The following MATN3 variants were observed in gnomAD, a reference collection of about 807,000 sequenced individuals.
MATN3 encodes the protein matrilin-3.
Under a neutral mutation model 45.3 loss-of-function variants are expected in MATN3, and 48 were observed. That is an observed-to-expected ratio of 1.06 (90% CI 0.84 to 1.35). The LOEUF (loss-of-function observed/expected upper bound fraction) is 1.35. Among genes scored for constraint, MATN3 ranks in the 40% most tolerant of loss-of-function variants. The pLI is 0.00. For missense variants in MATN3, 599 were observed against 628.0 expected (o/e 0.95, Z 0.49); for synonymous variants, 217 against 245.9 (o/e 0.88, Z 1.10).
Position 20,012,337 on chromosome 2 carries a change from A to C in MATN3, c.223+72T>G. 536 of 1,007,658 alleles carry C rather than the reference A, an allele frequency of 5.3e-4. No individual in the cohort carries two copies. Among genetic ancestry groups the C allele is most frequent in the South Asian group, 7.3e-4 (14 of 19,242 alleles). 62.4% of individuals were successfully genotyped at this position (1,007,658 alleles called of 1,614,324 possible). A position where few individuals can be genotyped will look rare whatever the true frequency, so the allele number is the denominator to read the frequency against. On this transcript the variant is annotated intron_variant, in intron 1 of 7. Coordinates refer to ENST00000407540, the MANE Select transcript of MATN3 (RefSeq NM_002381.5). This position sits in a 1 kb window ranked among gnomAD's most constrained non-coding sequence, Gnocchi z 4.3. ...CACGGTCGGCCTGAGGCCGGGATGA[A>C]GCGCGCTTGGTGGATGCCCTGGGCT...
chr2:19,995,779 C>T lies in MATN3; in HGVS notation c.1294+1355G>A, dbSNP rs1672854370. Among the ~76,000 whole-genome samples the T allele has an allele frequency of 6.6e-6, 1 of 152,152 alleles. No individual in the cohort carries two copies. The highest frequency in any genetic ancestry group is 1.5e-5 in the Non-Finnish European group (1 of 68,020). On this transcript the variant is annotated intron_variant, in intron 6 of 7. Transcript: ENST00000407540. The surrounding 1 kb of genome is among the most constrained non-coding windows in gnomAD (Gnocchi z 4.2). ...ATGGAGTAATTCTATTGCCTGAGGA[C>T]AGGAAATGGTCCTTTGCTGCAACAT... is the stretch of plus-strand genomic sequence containing the variant.
chr2:20,005,679 C>T, intron 2 of MATN3, 65 bp downstream of exon 2: 1 of 1,275,356 alleles, frequency 7.8e-7, no homozygotes, highest in Non-Finnish European at 1.1e-6. Context: ...ATACTCTTTT[C>T]TCTGGGTACA....
chr2:19,992,740 CA>C lies in MATN3; in HGVS notation c.*370del. On this transcript the variant is annotated 3_prime_UTR_variant, in exon 8 of 8. Transcript: ENST00000407540. ...GATTGATTTATATTATAAATACTAT[CA>C]AAAGAAACTAGACCTAAAGTTTCCA... is the stretch of plus-strand genomic sequence containing the variant. 1 of 202,406 alleles carries C rather than the reference CA, an allele frequency of 4.9e-6. No homozygotes were observed. Among genetic ancestry groups the C allele is most frequent in the South Asian group, 9.6e-5 (1 of 10,420 alleles). The allele number at this position is 202,406 out of a possible 1,614,324, so 12.5% of individuals were successfully genotyped here.
At chr2:19,993,354 A>G (rs1375009479) in intron 7 of MATN3, among the ~76,000 whole-genome samples, 188 bp from the exon 8 acceptor site, 1 of 152,218 alleles carries the variant, frequency 6.6e-6, no homozygotes, top group East Asian at 1.9e-4. Context: ...AGAGCACAAT[A>G]AAAGTAGACC....
rs554580764 is a variant in MATN3, at chr2:19,995,408, G to C, written c.1295-999C>G. Among the ~76,000 whole-genome samples, 1 of 147,176 alleles carries C rather than the reference G, an allele frequency of 6.8e-6. No individual in the cohort carries two copies. Among genetic ancestry groups the C allele is most frequent in the African/African-American group, 2.5e-5 (1 of 39,882 alleles). On this transcript the variant is annotated intron_variant, in intron 6 of 7. Transcript: ENST00000407540. This position sits in a 1 kb window ranked among gnomAD's most constrained non-coding sequence, Gnocchi z 4.2. ...GCAGAGGTTGCAGTGAGCTGAGATC[G>C]CACCACTGCACTCCAGCCTGGGTGA...
In MATN3 at chr2:20,012,406, T is replaced by C; in HGVS notation, c.223+3A>G. 1 of 1,228,268 alleles carries C rather than the reference T, an allele frequency of 8.1e-7. No homozygotes were observed. The highest frequency in any genetic ancestry group is 1.0e-6 in the Non-Finnish European group (1 of 985,770). The allele number at this position is 1,228,268 out of a possible 1,614,324, so 76.1% of individuals were successfully genotyped here. A position where few individuals can be genotyped will look rare whatever the true frequency, so the allele number is the denominator to read the frequency against. ...ACGCGTCCCTCCCGCCGCCCGCCTG[T>C]ACCTGCACCGCGGGCGCGGCCAGGC... On this transcript the variant is annotated splice_donor_region_variant and intron_variant, in intron 1 of 7. Transcript: ENST00000407540. The surrounding 1 kb of genome is among the most constrained non-coding windows in gnomAD (Gnocchi z 4.3).
intron 1 of MATN3, among the ~76,000 whole-genome samples, chr2:20,009,989 T>C (rs1172055472): frequency 2.7e-5 from 4 of 146,024 alleles, no homozygotes; most frequent in Non-Finnish European, 5.9e-5. Context: ...CTTGAGCACA[T>C]GTACTCAGGA....
rs115095286 is a variant in MATN3 at position 19,994,186 on chromosome 2, A to G, written c.1405+113T>C. Reference sequence around the variant, plus strand: ...AAAGTTGTATATTACCACTGCTCATATTAAAACCTAACAAATAAGTCACTT... The same window carrying G: ...AAAGTTGTATATTACCACTGCTCATGTTAAAACCTAACAAATAAGTCACTT... On this transcript the variant is annotated intron_variant, in intron 7 of 7. Coordinates refer to ENST00000407540, the MANE Select transcript of MATN3 (RefSeq NM_002381.5). The G allele has an allele frequency of 3.5e-3, 2,396 of 675,052 alleles. 31 individuals carry two copies. Among genetic ancestry groups the G allele is most frequent in the East Asian group, 0.035 (1,241 of 35,836 alleles). The allele number at this position is 675,052 out of a possible 1,614,324, so 41.8% of individuals were successfully genotyped here.
intron 7 of MATN3, among the ~76,000 whole-genome samples, chr2:19,993,435 G>C (rs1173138669): frequency 6.6e-6 from 1 of 152,142 alleles, no homozygotes; most frequent in Non-Finnish European, 1.5e-5. Flanking sequence ...GTGAGGGATG[G>C]GGGAAGCAGT....
Position 20,000,421 on chromosome 2 carries a change from AT to A in MATN3, c.1168+19del, listed in dbSNP as rs752420974. ...ATGTGAAAGACCCAAGTATGAAAGA[AT>A]TTTTTGAGTGGATCTTACCTGAACA... is the stretch of plus-strand genomic sequence containing the variant. On this transcript the variant is annotated intron_variant, in intron 5 of 7. Transcript: ENST00000407540. 3 of 1,585,058 alleles carry A rather than the reference AT, an allele frequency of 1.9e-6. No homozygotes were observed. In the Admixed American group the frequency reaches 5.7e-5, roughly 30 times the overall value.
chr2:20,010,661 C>T (rs138132522), intron 1 of MATN3, among the ~76,000 whole-genome samples: 15 of 152,216 alleles, frequency 9.9e-5, no homozygotes, highest in East Asian at 7.7e-4. Flanking sequence ...AGCCTTCATG[C>T]GGTGGAAAGG....
rs1672771777 is a variant in MATN3, at chr2:19,992,234, T to C, written c.*877A>G. 1 of 152,116 alleles carries C rather than the reference T, an allele frequency of 6.6e-6. No homozygotes were observed. Among genetic ancestry groups the C allele is most frequent in the African/African-American group, 2.4e-5 (1 of 41,448 alleles). 9.4% of individuals were successfully genotyped at this position (152,116 alleles called of 1,614,324 possible). On this transcript the variant is annotated 3_prime_UTR_variant, in exon 8 of 8. Coordinates refer to ENST00000407540, the MANE Select transcript of MATN3 (RefSeq NM_002381.5). ...TTGCAAGTTTCAAAGCCAAAAGAAT[T>C]ATATGTATCAAATATATAAGTAAAA... is the stretch of plus-strand genomic sequence containing the variant.
chr2:20,010,247 G>C (rs1011012175), intron 1 of MATN3, among the ~76,000 whole-genome samples: 1 of 152,078 alleles, frequency 6.6e-6, no homozygotes, highest in Non-Finnish European at 1.5e-5. Flanking sequence ...CTCTGTAATT[G>C]ACAGTGCTTT....
intron 2 of MATN3, among the ~76,000 whole-genome samples, chr2:20,005,044 G>A (rs1003564720): frequency 6.6e-6 from 1 of 152,196 alleles, no homozygotes; most frequent in Admixed American, 6.5e-5. Context: ...AAATTAGCAT[G>A]TCCTTATTCA....
In MATN3 at chr2:20,005,962, G is replaced by A. The variant is rs1211499696; in HGVS notation, c.572C>T (p.Ala191Val). 13 of 1,613,788 alleles carry A rather than the reference G, an allele frequency of 8.1e-6. No homozygotes were observed. The highest frequency in any genetic ancestry group is 1.1e-5 in the Non-Finnish European group (13 of 1,179,842). The change falls in exon 2 of 8, where the codon GCC (alanine) becomes GTC (valine). Residue 191 changes from alanine to valine, a missense_variant. By Grantham distance (64) the Ala-to-Val change is moderately conservative. Transcript: ENST00000407540. ...REPSSNIPKV[A>V]IIVTDGRPQD... ...GGGCCTCCCATCTGTAACAATGATG[G>A]CCACCTTAGGGATGTTAGAAGAGGG...
At chr2:20,009,499 G>C (rs1357305183) in intron 1 of MATN3, among the ~76,000 whole-genome samples, 1 of 152,094 alleles carries the variant, frequency 6.6e-6, no homozygotes, top group Non-Finnish European at 1.5e-5. Flanking sequence ...GGCAAGAGGA[G>C]GGAGAGCATT....
At chr2:20,006,454 A>G (rs570875793) in intron 1 of MATN3, 144 bp from the exon 2 acceptor site, 4 of 626,364 alleles carry the variant, frequency 6.4e-6, no homozygotes, top group East Asian at 5.5e-5. Flanking sequence ...CCCCAAGACC[A>G]TCGGGGTGTT....
At chr2:20,003,502 A>G (rs1034263540) in intron 2 of MATN3, among the ~76,000 whole-genome samples, 8 of 152,252 alleles carry the variant, frequency 5.3e-5, no homozygotes, top group African/African-American at 1.9e-4. Flanking sequence ...ATCTTGCTAT[A>G]TAGACTTTCT....
chr2:19,997,113 C>A, intron 6 of MATN3, 21 bp downstream of exon 6: 2 of 1,611,500 alleles, frequency 1.2e-6, no homozygotes, highest in Non-Finnish European at 1.7e-6. Flanking sequence ...AAGGAAATAG[C>A]CTTAAAGGGC....
Sources: allele counts gnomAD v4.1 joint callset (sites outside exome capture counted in the v4.1 genomes callset), GRCh38; gene constraint gnomAD v4.1.1; non-coding constraint Gnocchi (gnomAD v3.1); transcripts MANE v1.5; gene names NCBI Gene and HGNC (gene_info 2026-07-23, HGNC 2026-07-21).